CDH4: variants seen among roughly 807,000 people sequenced by gnomAD.
CDH4 encodes the protein cadherin 4, also known as cadherin-4.
CDH4 carries 33 observed loss-of-function variants against 86.0 expected under a neutral mutation model. The observed-to-expected ratio is 0.38, with a 90% CI of 0.29 to 0.51. The LOEUF is 0.51. Ranked by LOEUF, CDH4 falls within the 20% of genes least tolerant of loss-of-function variation. CDH4 has a pLI of 0.86. For missense variants in CDH4, 1,114 were observed against 1,307.4 expected (o/e 0.85, Z 2.28); for synonymous variants, 555 against 549.4 (o/e 1.01, Z -0.14).
intron 2 of CDH4, among the ~76,000 whole-genome samples, chr20:61,713,297 T>G (rs143510019): frequency 0.013 from 1,936 of 152,238 alleles, 22 homozygotes; most frequent in South Asian, 0.024. Context: ...AGCTTCAAGG[T>G]GCATGGGGTG....
intron 4 of CDH4, among the ~76,000 whole-genome samples, chr20:61,804,977 C>T (rs932834952): frequency 1.3e-5 from 2 of 152,224 alleles, no homozygotes; most frequent in Non-Finnish European, 2.9e-5. Context: ...CCTCATCCCG[C>T]AGACCTGCCG....
chr20:61,448,459 G>C (rs1320397951), intron 2 of CDH4, among the ~76,000 whole-genome samples: 1 of 152,176 alleles, frequency 6.6e-6, no homozygotes, highest in Non-Finnish European at 1.5e-5. Context: ...ATACATCACG[G>C]CACAGCCTCC....
rs140676723 is a variant in CDH4 at position 61,399,853 on chromosome 20, G to A, written c.169+144916G>A. On this transcript the variant is annotated intron_variant, in intron 2 of 15. Coordinates refer to ENST00000614565, the MANE Select transcript of CDH4 (RefSeq NM_001794.5). ...GCTCGGGGACAATGGTGCCTTCCCC[G>A]GCAGGGTCTGAGGGGCTCAGCACAG... Among the ~76,000 whole-genome samples, 28 of 152,276 alleles carry A rather than the reference G, an allele frequency of 1.8e-4. 1 individual carries two copies. The East Asian group carries it at 3.5e-3, about 19-fold the overall frequency.
intron 2 of CDH4, among the ~76,000 whole-genome samples, chr20:61,502,483 A>G (rs1249909264): frequency 6.6e-6 from 1 of 152,226 alleles, no homozygotes; most frequent in African/African-American, 2.4e-5. Context: ...TGTTAAAAAT[A>G]CATAGCTAGA....
At chr20:61,666,924 C>G (rs1243625791) in intron 2 of CDH4, among the ~76,000 whole-genome samples, 2 of 152,214 alleles carry the variant, frequency 1.3e-5, no homozygotes. Flanking sequence ...CTGTCTTGAG[C>G]AAAGCCTGGA....
chr20:61,391,510 G>T (rs561958266), intron 2 of CDH4, among the ~76,000 whole-genome samples: 1 of 151,284 alleles, frequency 6.6e-6, no homozygotes, highest in Non-Finnish European at 1.5e-5. Context: ...CACTCTGCAC[G>T]TGTGGCGTAA....
rs113557913 is a variant in CDH4 at position 61,925,282 on chromosome 20, C to A, written c.1771+806C>A. 3.7e-3 allele frequency among the ~76,000 whole-genome samples: 560 copies of A among 152,336 alleles called. 8 individuals carry two copies. Among genetic ancestry groups the A allele is most frequent in the African/African-American group, 0.013 (533 of 41,566 alleles). ...AACCCTGCGAACTGGCCGAGCCCCC[C>A]ACGGGTCGCACGCTCTCAGAGGCAT... On this transcript the variant is annotated intron_variant, in intron 11 of 15. Coordinates refer to ENST00000614565, the MANE Select transcript of CDH4 (RefSeq NM_001794.5).
At chr20:61,688,826 A>G (rs59479196) in intron 2 of CDH4, among the ~76,000 whole-genome samples, 3,751 of 152,338 alleles carry the variant, frequency 0.025, 166 homozygotes, top group African/African-American at 0.086. Flanking sequence ...GAAAAATTTC[A>G]CACACAGGAG....
chr20:61,823,058 G>C (rs1160286788), intron 4 of CDH4, among the ~76,000 whole-genome samples: 1 of 152,176 alleles, frequency 6.6e-6, no homozygotes, highest in African/African-American at 2.4e-5. Flanking sequence ...AAGATCTGCA[G>C]CCACAGTTCC....
At chr20:61,420,645 C>G (rs536028378) in intron 2 of CDH4, among the ~76,000 whole-genome samples, 1 of 152,258 alleles carries the variant, frequency 6.6e-6, no homozygotes, top group Admixed American at 6.5e-5. Flanking sequence ...CAGCCAAAGC[C>G]GTGCTCTGGA....
chr20:61,583,801 G>A lies in CDH4; in HGVS notation c.170-159762G>A, dbSNP rs531070176. The stretch of plus-strand genomic sequence containing the variant: ...GCACCTGCACTGAAGTGTGGACAGC[G>A]TGTCGCTGGATGGACCAGCCCGTAC... On this transcript the variant is annotated intron_variant, in intron 2 of 15. Transcript: ENST00000614565. Among the ~76,000 whole-genome samples, 13 of 152,348 alleles carry A rather than the reference G, an allele frequency of 8.5e-5. No individual in the cohort carries two copies. The South Asian group carries it at 2.1e-3, about 24-fold the overall frequency.
chr20:61,888,884 C>T lies in CDH4; in HGVS notation c.1051-6026C>T, dbSNP rs1984663195. On this transcript the variant is annotated intron_variant, in intron 7 of 15. Coordinates refer to ENST00000614565, the MANE Select transcript of CDH4 (RefSeq NM_001794.5). ...ATGGGACTGCCTGGCCCTCACTGGACTCAGTCTTCCCCTCCGTAAATGGTA... is the reference window on the plus strand; with the variant it reads ...ATGGGACTGCCTGGCCCTCACTGGATTCAGTCTTCCCCTCCGTAAATGGTA... 1.3e-5 allele frequency among the ~76,000 whole-genome samples: 2 copies of T among 152,226 alleles called. 1 individual carries two copies. Among genetic ancestry groups the T allele is most frequent in the South Asian group, 4.1e-4 (2 of 4,828 alleles).
rs895033541 is a variant in CDH4 at position 61,810,691 on chromosome 20, A to G, written c.577-33977A>G. 1.3e-5 allele frequency among the ~76,000 whole-genome samples: 2 copies of G among 152,186 alleles called. No homozygotes were observed. Among genetic ancestry groups the G allele is most frequent in the African/African-American group, 4.8e-5 (2 of 41,436 alleles). On this transcript the variant is annotated intron_variant, in intron 4 of 15. Transcript: ENST00000614565. This position sits in a 1 kb window ranked among gnomAD's most constrained non-coding sequence, Gnocchi z 4.3. ...GGCTATAAAACATTTAATTTTGGAA[A>G]AAATCAGTACTCTGCCGCTAGATGA...
Position 61,480,015 on chromosome 20 carries a change from T to A in CDH4, c.169+225078T>A, listed in dbSNP as rs1418644732. Among the ~76,000 whole-genome samples, 1 of 152,250 alleles carries A rather than the reference T, an allele frequency of 6.6e-6. No homozygotes were observed. The highest frequency in any genetic ancestry group is 1.5e-5 in the Non-Finnish European group (1 of 68,048). ...TTTTTCATTTCAGACCTTATAGTTTTCATCTATAGAAGTCTGATTCGGGAC... is the reference window on the plus strand; with the variant it reads ...TTTTTCATTTCAGACCTTATAGTTTACATCTATAGAAGTCTGATTCGGGAC... On this transcript the variant is annotated intron_variant, in intron 2 of 15. Transcript: ENST00000614565. The surrounding 1 kb of genome is among the most constrained non-coding windows in gnomAD (Gnocchi z 5.2).
At chr20:61,744,968 C>T (rs2088396018) in intron 3 of CDH4, among the ~76,000 whole-genome samples, 1 of 152,216 alleles carries the variant, frequency 6.6e-6, no homozygotes, top group Non-Finnish European at 1.5e-5. Context: ...CTAAGGAAGG[C>T]CAGCCTGCAG....
In CDH4 at chr20:61,810,142, C is replaced by T. The variant is rs1422964280; in HGVS notation, c.577-34526C>T. Among the ~76,000 whole-genome samples, 1 of 152,180 alleles carries T rather than the reference C, an allele frequency of 6.6e-6. No homozygotes were observed. Among genetic ancestry groups the T allele is most frequent in the Non-Finnish European group, 1.5e-5 (1 of 68,030 alleles). ...CTCAGCCGGGGTGGGGTGGGGGGCA[C>T]CTGAGCCTAGACCTGTTCTCAAGAC... On this transcript the variant is annotated intron_variant, in intron 4 of 15. Coordinates refer to ENST00000614565, the MANE Select transcript of CDH4 (RefSeq NM_001794.5). The surrounding 1 kb of genome is among the most constrained non-coding windows in gnomAD (Gnocchi z 4.3).
At chr20:61,355,823 C>T (rs1241768677) in intron 2 of CDH4, among the ~76,000 whole-genome samples, 1 of 152,202 alleles carries the variant, frequency 6.6e-6, no homozygotes, top group Non-Finnish European at 1.5e-5. Flanking sequence ...AGTCAGAAGG[C>T]CTGAGAAGCC....
intron 3 of CDH4, among the ~76,000 whole-genome samples, chr20:61,771,975 C>T (rs1228596586): frequency 6.6e-6 from 1 of 152,122 alleles, no homozygotes; most frequent in African/African-American, 2.4e-5. Context: ...TAGTCACTGG[C>T]AACTGGGAGG....
intron 2 of CDH4, among the ~76,000 whole-genome samples, chr20:61,567,834 G>A (rs904726614): frequency 7.9e-5 from 12 of 152,110 alleles, no homozygotes; most frequent in African/African-American, 2.9e-4. Flanking sequence ...TTAGCCAGGT[G>A]TGGTGACACA....
Sources: allele counts gnomAD v4.1 joint callset (sites outside exome capture counted in the v4.1 genomes callset), GRCh38; gene constraint gnomAD v4.1.1; non-coding constraint Gnocchi (gnomAD v3.1); transcripts MANE v1.5; gene names NCBI Gene and HGNC (gene_info 2026-07-23, HGNC 2026-07-21).